RALYL: variants seen among roughly 807,000 people sequenced by gnomAD.
RALYL encodes the protein RALY RNA binding protein like.
In RALYL, 29 loss-of-function variants were observed where a neutral mutation model predicts 35.1. The ratio of observed to expected loss-of-function variants is 0.83; its 90% confidence interval spans 0.61 to 1.13. The LOEUF (loss-of-function observed/expected upper bound fraction) is 1.13. RALYL is among the 50% of genes most tolerant of loss of function. The pLI is 0.00. For missense variants in RALYL, 359 were observed against 360.4 expected, an observed-to-expected ratio of 1.00 and a Z score of 0.03; for synonymous variants, 120 against 127.6, an observed-to-expected ratio of 0.94 and a Z score of 0.40.
intron 1 of RALYL, among the ~76,000 whole-genome samples, chr8:84,410,602 C>T (rs1026937993): frequency 7.9e-5 from 12 of 151,686 alleles, no homozygotes; most frequent in Admixed American, 5.3e-4. Flanking sequence ...TTATTGTTTA[C>T]AATATGTCGT....
Position 84,649,850 on chromosome 8 carries a change from G to T in RALYL, c.256+120273G>T, listed in dbSNP as rs912568197. Among the ~76,000 whole-genome samples, 553 of 152,136 alleles carry T rather than the reference G, an allele frequency of 3.6e-3. 4 individuals carry two copies. Among genetic ancestry groups the T allele is most frequent in the African/African-American group, 0.012 (511 of 41,484 alleles). On this transcript the variant is annotated intron_variant, in intron 2 of 8. Transcript: ENST00000521268. ...TTGGTAGCTTGATGGGGATGGCATT[G>T]AATCTATAAATTACCTTGGGCAGTA...
chr8:84,556,146 G>A (rs1233643530), intron 2 of RALYL, among the ~76,000 whole-genome samples: 1 of 152,142 alleles, frequency 6.6e-6, no homozygotes, highest in Non-Finnish European at 1.5e-5. Flanking sequence ...AGTGATTTGT[G>A]CAAAATATTA....
chr8:84,453,228 A>G (rs1468321122), intron 1 of RALYL, among the ~76,000 whole-genome samples: 1 of 151,914 alleles, frequency 6.6e-6, no homozygotes, highest in African/African-American at 2.4e-5. Context: ...ATACACACAT[A>G]TATAATTAGA....
chr8:84,516,502 A>G (rs1391088078), intron 1 of RALYL, among the ~76,000 whole-genome samples: 3 of 152,118 alleles, frequency 2.0e-5, no homozygotes, highest in Non-Finnish European at 4.4e-5. Context: ...AAATAATAAT[A>G]TAGTACTGTA....
intron 1 of RALYL, among the ~76,000 whole-genome samples, chr8:84,432,653 G>T (rs2047266239): frequency 6.6e-6 from 1 of 152,048 alleles, no homozygotes; most frequent in South Asian, 2.1e-4. Flanking sequence ...TAGTTAAGAT[G>T]AAGTCATGCT....
At chr8:84,394,590 A>G (rs1202406189) in intron 1 of RALYL, among the ~76,000 whole-genome samples, 10 of 152,012 alleles carry the variant, frequency 6.6e-5, no homozygotes, top group Non-Finnish European at 1.0e-4. Context: ...GCTTAGGCAC[A>G]TAGTTTTTTT....
At chr8:84,583,683 G>A (rs1267576789) in intron 2 of RALYL, among the ~76,000 whole-genome samples, 2 of 152,092 alleles carry the variant, frequency 1.3e-5, no homozygotes, top group Non-Finnish European at 2.9e-5. Flanking sequence ...ATTTCTGGAA[G>A]AGTGAAGGAG....
Position 84,232,844 on chromosome 8 carries a change from T to C in RALYL, c.-24+48420T>C, listed in dbSNP as rs371150457. On this transcript the variant is annotated intron_variant, in intron 1 of 8. Transcript: ENST00000521268. ...ATATTATAACTGTGTGGAATTATAATGATGTCATATTTTAATAATATAATA... is the reference window on the plus strand; with the variant it reads ...ATATTATAACTGTGTGGAATTATAACGATGTCATATTTTAATAATATAATA... Among the ~76,000 whole-genome samples the C allele has an allele frequency of 4.6e-5, 7 of 152,168 alleles. No homozygotes were observed. In the East Asian group the frequency reaches 9.6e-4, roughly 21 times the overall value.
intron 4 of RALYL, among the ~76,000 whole-genome samples, chr8:84,831,149 G>A (rs1219292852): frequency 1.3e-5 from 2 of 152,026 alleles, no homozygotes; most frequent in African/African-American, 4.8e-5. Context: ...TATAGAACAT[G>A]AGTCAATAAT....
chr8:84,341,158 A>ATTTTT (rs11291365), intron 1 of RALYL, among the ~76,000 whole-genome samples: 2 of 127,850 alleles, frequency 1.6e-5, no homozygotes, highest in Admixed American at 1.6e-4. Flanking sequence ...TAACCAGGTG[A>ATTTTT]TTTTTTTTTT....
intron 1 of RALYL, among the ~76,000 whole-genome samples, chr8:84,434,715 G>A (rs1373701257): frequency 1.3e-5 from 2 of 151,954 alleles, no homozygotes; most frequent in Non-Finnish European, 2.9e-5. Context: ...ATAGATCACG[G>A]CTGACTTCAG....
chr8:84,510,149 T>G (rs1246532642), intron 1 of RALYL, among the ~76,000 whole-genome samples: 1 of 152,236 alleles, frequency 6.6e-6, no homozygotes, highest in Non-Finnish European at 1.5e-5. Context: ...TCCATTTATT[T>G]AGATCATCTC....
At chr8:84,848,435 G>GTATA (rs1476104342) in intron 4 of RALYL, among the ~76,000 whole-genome samples, 3 of 119,532 alleles carry the variant, frequency 2.5e-5, no homozygotes, top group Admixed American at 8.9e-5. Flanking sequence ...ATGTGTGTGT[G>GTATA]TGTATATATA....
chr8:84,687,485 GGAT>G (rs1482003898), intron 2 of RALYL, among the ~76,000 whole-genome samples: 1 of 151,982 alleles, frequency 6.6e-6, no homozygotes, highest in African/African-American at 2.4e-5. Context: ...TATTCCACAT[GGAT>G]GATCAAATTT....
At chr8:84,427,826 A>T (rs896299582) in intron 1 of RALYL, among the ~76,000 whole-genome samples, 3 of 152,100 alleles carry the variant, frequency 2.0e-5, no homozygotes, top group African/African-American at 7.2e-5. Context: ...TCTTGTAATT[A>T]TCTCTCTCTC....
chr8:84,354,249 T>C (rs1287582506), intron 1 of RALYL, among the ~76,000 whole-genome samples: 2 of 150,448 alleles, frequency 1.3e-5, no homozygotes, highest in East Asian at 3.9e-4. Flanking sequence ...GCACTTGAAC[T>C]AAATGTATTT....
intron 2 of RALYL, among the ~76,000 whole-genome samples, chr8:84,703,940 C>CTCAGTA (rs1331145966): frequency 6.6e-6 from 1 of 152,032 alleles, no homozygotes; most frequent in East Asian, 1.9e-4. Context: ...TCATCAAAAT[C>CTCAGTA]TATATACTGA....
At chr8:84,434,287 C>T (rs2047464212) in intron 1 of RALYL, among the ~76,000 whole-genome samples, 1 of 152,074 alleles carries the variant, frequency 6.6e-6, no homozygotes, top group South Asian at 2.1e-4. Context: ...TATAATCCAT[C>T]TCCAAACAGA....
chr8:84,424,933 A>G (rs1188069472), intron 1 of RALYL, among the ~76,000 whole-genome samples: 1 of 151,580 alleles, frequency 6.6e-6, no homozygotes, highest in Admixed American at 6.6e-5. Flanking sequence ...GTGTGCTGGG[A>G]GAACCACTCC....
Sources: gnomAD v4.1 joint callset for allele counts (sites outside exome capture counted in the v4.1 genomes callset) on GRCh38, gnomAD v4.1.1 for gene constraint, MANE v1.5 for transcripts, NCBI Gene and HGNC (gene_info 2026-07-23, HGNC 2026-07-21) for gene names.